Variants in PIK3C2G observed in about 807,000 individuals in gnomAD.
PIK3C2G encodes the protein phosphatidylinositol-4-phosphate 3-kinase catalytic subunit type 2 gamma.
A neutral mutation model predicts 181.1 loss-of-function variants in PIK3C2G; 168 were observed. That is an observed-to-expected ratio of 0.93 (90% CI 0.82 to 1.05). PIK3C2G has a LOEUF of 1.05. PIK3C2G is among the 50% of genes least tolerant of loss of function. PIK3C2G has a pLI of 0.00. For synonymous variants in PIK3C2G, 573 were observed against 592.2 expected (o/e 0.97, Z 0.47); for missense variants, 1,869 against 1,732.8 (o/e 1.08, Z -1.40).
At chr12:18,333,919 T>C (rs766511063) in intron 8 of PIK3C2G, among the ~76,000 whole-genome samples, 1 of 152,138 alleles carries the variant, frequency 6.6e-6, no homozygotes. Flanking sequence ...CAACCACTTA[T>C]GCCGTTTTGT....
chr12:18,400,431 G>A (rs964717721), intron 16 of PIK3C2G, among the ~76,000 whole-genome samples: 2 of 152,186 alleles, frequency 1.3e-5, no homozygotes, highest in South Asian at 4.2e-4. Context: ...GTCTTCCTTG[G>A]TTTTCCTTTT....
chr12:18,669,307 ATG>A, the PIK3C2G span, among the ~76,000 whole-genome samples: 1 of 152,156 alleles, frequency 6.6e-6, no homozygotes, highest in African/African-American at 2.4e-5. Flanking sequence ...TTTCCATTAT[ATG>A]TGTGGTCTCT....
intron 5 of PIK3C2G, among the ~76,000 whole-genome samples, chr12:18,297,555 T>C (rs1949993844): frequency 6.6e-6 from 1 of 152,042 alleles, no homozygotes; most frequent in Admixed American, 6.6e-5. Context: ...AATCTTCTCT[T>C]CTAGTTTTTT....
the PIK3C2G span, chr12:18,699,997 G>A: frequency 6.5e-7 from 1 of 1,542,504 alleles, no homozygotes; most frequent in Non-Finnish European, 8.8e-7. Flanking sequence ...TAATCATTGG[G>A]AAAAAAAATT....
At chr12:18,520,002 TAAAAAAAA>T (rs889312316) in intron 24 of PIK3C2G, among the ~76,000 whole-genome samples, 1 of 46,284 alleles carries the variant, frequency 2.2e-5, no homozygotes, top group Non-Finnish European at 4.4e-5. Flanking sequence ...CAATAAATAC[TAAAAAAAA>T]AAAAAAAAAA....
At chr12:18,401,796 T>A (rs1944264805) in intron 16 of PIK3C2G, among the ~76,000 whole-genome samples, 1 of 152,116 alleles carries the variant, frequency 6.6e-6, no homozygotes, top group Admixed American at 6.6e-5. Context: ...GAAATAAAAA[T>A]GAAAATCACC....
At chr12:18,623,376 A>T (rs1354240431) in intron 31 of PIK3C2G, among the ~76,000 whole-genome samples, 5 of 151,756 alleles carry the variant, frequency 3.3e-5, no homozygotes, top group Non-Finnish European at 5.9e-5. Flanking sequence ...TGGGCTCTCT[A>T]ATCTGTTCCA....
chr12:18,372,990 TACAC>T (rs1942175213), intron 13 of PIK3C2G, among the ~76,000 whole-genome samples: 1 of 152,190 alleles, frequency 6.6e-6, no homozygotes, highest in Non-Finnish European at 1.5e-5. Context: ...CTTCAACAAT[TACAC>T]AATAAGGATT....
At chr12:18,541,622 TAAGAG>T (rs1162476422) in intron 25 of PIK3C2G, among the ~76,000 whole-genome samples, 14 of 151,936 alleles carry the variant, frequency 9.2e-5, no homozygotes, top group African/African-American at 3.4e-4. Flanking sequence ...GATTTGGACT[TAAGAG>T]AACAGAAGTA....
At chr12:18,364,762 G>T (rs916636522) in intron 12 of PIK3C2G, among the ~76,000 whole-genome samples, 2 of 152,070 alleles carry the variant, frequency 1.3e-5, no homozygotes, top group African/African-American at 4.8e-5. Context: ...GCTGGGCATG[G>T]TGGCTCACAC....
intron 8 of PIK3C2G, among the ~76,000 whole-genome samples, chr12:18,337,728 G>A (rs1360510555): frequency 2.0e-5 from 3 of 152,154 alleles, no homozygotes; most frequent in Non-Finnish European, 4.4e-5. Flanking sequence ...GATCCGCCCT[G>A]TGACCCAATG....
At chr12:18,412,384 T>A (rs1309036236) in intron 16 of PIK3C2G, among the ~76,000 whole-genome samples, 1 of 152,118 alleles carries the variant, frequency 6.6e-6, no homozygotes, top group Non-Finnish European at 1.5e-5. Context: ...AAGATGCTAT[T>A]TGCCTTTGTC....
At chr12:18,466,069 G>A (rs370217713) in intron 18 of PIK3C2G, among the ~76,000 whole-genome samples, 38 of 148,296 alleles carry the variant, frequency 2.6e-4, no homozygotes, top group African/African-American at 8.3e-4. Flanking sequence ...ATTTATGTGC[G>A]TGTGTGTGTA....
At chr12:18,602,352 A>AC (rs1176753165) in intron 30 of PIK3C2G, among the ~76,000 whole-genome samples, 5 of 147,270 alleles carry the variant, frequency 3.4e-5, no homozygotes, top group African/African-American at 5.0e-5. Flanking sequence ...CCTCACGCCC[A>AC]CCCCCCACAG....
At chr12:18,585,435 A>G (rs1464785657) in intron 29 of PIK3C2G, among the ~76,000 whole-genome samples, 1 of 151,990 alleles carries the variant, frequency 6.6e-6, no homozygotes, top group Non-Finnish European at 1.5e-5. Context: ...AAGATAAGAA[A>G]AGAAAAAAAA....
chr12:18,371,807 T>C (rs1005524684), intron 13 of PIK3C2G, among the ~76,000 whole-genome samples: 14 of 152,144 alleles, frequency 9.2e-5, no homozygotes, highest in Admixed American at 8.5e-4. Flanking sequence ...CTAATGACCG[T>C]TGCAAAATGA....
chr12:18,380,370 A>G (rs1290654445), intron 13 of PIK3C2G, among the ~76,000 whole-genome samples: 1 of 152,132 alleles, frequency 6.6e-6, no homozygotes, highest in Non-Finnish European at 1.5e-5. Flanking sequence ...TGCTGTGGAG[A>G]ACAATATGAC....
At chr12:18,465,442 T>C (rs1937754361) in intron 18 of PIK3C2G, among the ~76,000 whole-genome samples, 1 of 151,982 alleles carries the variant, frequency 6.6e-6, no homozygotes, top group African/African-American at 2.4e-5. Flanking sequence ...AGTCTTTTCA[T>C]CTAGAATCAC....
Position 18,497,672 on chromosome 12 carries a change from G to A in PIK3C2G, c.2940G>A (p.Met980Ile), listed in dbSNP as rs781746966. Reference sequence around the variant, plus strand: ...TTGTTCTGCAGCTTATTCAAGTGATGGACAATATTTGGCTGCAGGAAGGCT... The same window carrying A: ...TTGTTCTGCAGCTTATTCAAGTGATAGACAATATTTGGCTGCAGGAAGGCT... ...DMLVLQLIQVMDNIWLQEGLD... is the reference protein window; with the variant it reads ...DMLVLQLIQVIDNIWLQEGLD... Residue 980 changes from methionine to isoleucine, a missense_variant, in exon 22 of 33, where the codon ATG becomes ATA. Physicochemically the swap from Met to Ile is conservative, Grantham distance 10. Transcript: ENST00000538779. 6 of 1,612,168 alleles carry A rather than the reference G, an allele frequency of 3.7e-6. No individual in the cohort carries two copies. Among genetic ancestry groups the A allele is most frequent in the African/African-American group, 2.7e-5 (2 of 74,868 alleles).
Sources: gnomAD v4.1 joint callset for allele counts (sites outside exome capture counted in the v4.1 genomes callset) on GRCh38, gnomAD v4.1.1 for gene constraint, MANE v1.5 for transcripts, NCBI Gene and HGNC (gene_info 2026-07-23, HGNC 2026-07-21) for gene names.